Variants in MAGI2 observed in about 807,000 individuals in gnomAD.
MAGI2 encodes the protein membrane-associated guanylate kinase, WW and PDZ domain-containing protein 2.
MAGI2 carries 35 observed loss-of-function variants against 133.3 expected under a neutral mutation model. The ratio of observed to expected loss-of-function variants is 0.26; its 90% CI spans 0.20 to 0.35. The LOEUF (loss-of-function observed/expected upper bound fraction) is 0.35. MAGI2 is among the 10% of genes least tolerant of loss of function. The pLI is 1.00. For synonymous variants in MAGI2, 729 were observed against 710.6 expected (o/e 1.03, Z -0.41); for missense variants, 1,636 against 1,863.4 (o/e 0.88, Z 2.25).
chr7:78,991,649 G>T (rs1805799751), intron 2 of MAGI2, among the ~76,000 whole-genome samples: 1 of 149,784 alleles, frequency 6.7e-6, no homozygotes, highest in Non-Finnish European at 1.5e-5. Context: ...CCATGTGCTT[G>T]ATATAGCTAG....
intron 2 of MAGI2, among the ~76,000 whole-genome samples, chr7:78,730,880 A>G (rs1821307372): frequency 6.6e-6 from 1 of 152,172 alleles, no homozygotes; most frequent in Non-Finnish European, 1.5e-5. Flanking sequence ...GCAGAAAGAT[A>G]TATTCACTGA....
chr7:78,326,483 A>T (rs773945445), intron 9 of MAGI2, among the ~76,000 whole-genome samples: 3 of 152,168 alleles, frequency 2.0e-5, no homozygotes, highest in Admixed American at 2.0e-4. Flanking sequence ...TTTATGGCAG[A>T]GACTGGTATT....
chr7:78,972,810 A>G (rs1001703031), intron 2 of MAGI2, among the ~76,000 whole-genome samples: 1 of 151,908 alleles, frequency 6.6e-6, no homozygotes, highest in African/African-American at 2.4e-5. Context: ...CTAAAAAATT[A>G]TATTCATAAA....
intron 1 of MAGI2, chr7:79,124,774 C>A: frequency 6.3e-6 from 1 of 159,970 alleles, no homozygotes; most frequent in South Asian, 1.7e-4. Flanking sequence ...TGTAGAAGCT[C>A]TTCATTGGGT....
chr7:78,501,469 A>C, intron 5 of MAGI2, 108 bp downstream of exon 5: 1 of 984,328 alleles, frequency 1.0e-6, no homozygotes, highest in Non-Finnish European at 1.5e-6. Context: ...TGTTACCAGA[A>C]TTTCATGTTT....
chr7:78,440,729 A>T (rs1252181820), intron 6 of MAGI2, among the ~76,000 whole-genome samples: 1 of 152,130 alleles, frequency 6.6e-6, no homozygotes, highest in Admixed American at 6.6e-5. Context: ...GGGAGGGTAG[A>T]TCACTTGAGG....
At chr7:78,561,533 T>C (rs1055638343) in intron 3 of MAGI2, among the ~76,000 whole-genome samples, 2 of 152,162 alleles carry the variant, frequency 1.3e-5, no homozygotes, top group Non-Finnish European at 2.9e-5. Flanking sequence ...ATTGTGGTTT[T>C]TGCAATTAAA....
At chr7:78,487,920 A>G (rs1010000819) in intron 6 of MAGI2, among the ~76,000 whole-genome samples, 2 of 152,072 alleles carry the variant, frequency 1.3e-5, no homozygotes, top group Non-Finnish European at 2.9e-5. Context: ...AGTGTTGTAA[A>G]TAAGTAATAC....
chr7:78,236,070 A>G lies in MAGI2; in HGVS notation c.2047+19873T>C, dbSNP rs1057372700. On this transcript the variant is annotated intron_variant, in intron 10 of 21. Coordinates refer to ENST00000354212, the MANE Select transcript of MAGI2 (RefSeq NM_012301.4). ...CTGAGTGAGGGCACTGTCGTATGGA[A>G]GGATTTACAGTCATAAAACTAGCAC... 5.3e-5 allele frequency among the ~76,000 whole-genome samples: 8 copies of G among 150,854 alleles called. No homozygotes were observed. The East Asian group carries it at 1.6e-3, about 29-fold the overall frequency.
intron 4 of MAGI2, among the ~76,000 whole-genome samples, chr7:78,520,611 C>T (rs749948352): frequency 1.8e-4 from 27 of 152,006 alleles, no homozygotes; most frequent in Non-Finnish European, 1.5e-5. Flanking sequence ...TGGAACCTTA[C>T]TCCAAGAGGC....
At chr7:78,404,577 C>T (rs1229494725) in intron 6 of MAGI2, among the ~76,000 whole-genome samples, 1 of 152,064 alleles carries the variant, frequency 6.6e-6, no homozygotes, top group Non-Finnish European at 1.5e-5. Context: ...GAAAGGATTC[C>T]CTATTTAATA....
intron 3 of MAGI2, among the ~76,000 whole-genome samples, chr7:78,550,165 G>A (rs368287246): frequency 6.6e-6 from 1 of 152,146 alleles, no homozygotes; most frequent in Non-Finnish European, 1.5e-5. Flanking sequence ...ACTTTCAGAA[G>A]CAAATTTCTG....
intron 1 of MAGI2, among the ~76,000 whole-genome samples, chr7:79,359,165 T>G (rs558536051): frequency 2.6e-5 from 4 of 151,996 alleles, no homozygotes; most frequent in African/African-American, 9.6e-5. Flanking sequence ...ATAAAAATAG[T>G]GGAAAATATT....
intron 2 of MAGI2, among the ~76,000 whole-genome samples, chr7:78,915,714 CT>C (rs57733491): frequency 2.0e-5 from 3 of 149,858 alleles, no homozygotes; most frequent in African/African-American, 4.9e-5. Flanking sequence ...ATGGTTTCAT[CT>C]TTTTTTTTCT....
At chr7:78,849,391 A>G (rs922797240) in intron 2 of MAGI2, among the ~76,000 whole-genome samples, 2 of 152,088 alleles carry the variant, frequency 1.3e-5, no homozygotes, top group African/African-American at 4.8e-5. Context: ...ATTCCAGCAG[A>G]GAGTTGGATA....
chr7:78,876,006 T>C (rs1231441210), intron 2 of MAGI2, among the ~76,000 whole-genome samples: 2 of 151,950 alleles, frequency 1.3e-5, no homozygotes, highest in Non-Finnish European at 2.9e-5. Flanking sequence ...AAACATGATA[T>C]TACAAAATAA....
intron 1 of MAGI2, among the ~76,000 whole-genome samples, chr7:79,293,209 C>T (rs1836642486): frequency 6.6e-6 from 1 of 152,134 alleles, no homozygotes; most frequent in Admixed American, 6.5e-5. Flanking sequence ...AGCCTGACTC[C>T]TTTTTATCAT....
chr7:78,460,252 C>A (rs992234840), intron 6 of MAGI2, among the ~76,000 whole-genome samples: 1 of 152,156 alleles, frequency 6.6e-6, no homozygotes, highest in Non-Finnish European at 1.5e-5. Flanking sequence ...ACTGAGTGCG[C>A]GAATCAATGT....
intron 1 of MAGI2, among the ~76,000 whole-genome samples, chr7:79,126,583 G>A (rs1054386780): frequency 4.6e-5 from 7 of 152,068 alleles, no homozygotes; most frequent in African/African-American, 1.7e-4. Flanking sequence ...AGATATGCCT[G>A]AAGCCAGAGA....
Sources: allele counts gnomAD v4.1 joint callset (sites outside exome capture counted in the v4.1 genomes callset), GRCh38; gene constraint gnomAD v4.1.1; transcripts MANE v1.5; gene names NCBI Gene and HGNC (gene_info 2026-07-23, HGNC 2026-07-21).